The following SLC5A10 variants were observed in gnomAD, a reference collection of about 807,000 sequenced individuals.
SLC5A10 encodes the protein sodium/mannose cotransporter SLC5A10.
SLC5A10 carries 55 observed loss-of-function variants against 68.9 expected under a neutral mutation model. The observed-to-expected ratio is 0.80, with a 90% CI of 0.64 to 1.00. The LOEUF (loss-of-function observed/expected upper bound fraction) is 1.00. Among genes scored for constraint, SLC5A10 ranks in the 50% least tolerant of loss-of-function variants. The pLI is 0.00. For missense variants in SLC5A10, 732 were observed against 819.3 expected (o/e 0.89, Z 1.30); for synonymous variants, 344 against 344.8 (o/e 1.00, Z 0.02).
Position 18,991,525 on chromosome 17 carries a change from T to A in SLC5A10, c.982+14536T>A, listed in dbSNP as rs1261088616. ...TGTGGAAATGAGAGGGGAGGCTGAC[T>A]CCAAAGACCAGCTCTACCTGCTGTT... is the stretch of plus-strand genomic sequence containing the variant. On this transcript the variant is annotated intron_variant, in intron 9 of 14. Transcript: ENST00000395645. Among the ~76,000 whole-genome samples the A allele has an allele frequency of 2.6e-5, 4 of 152,080 alleles. No individual in the cohort carries two copies. The East Asian group carries it at 7.7e-4, about 29-fold the overall frequency.
At chr17:18,953,381 C>T (rs2042415277) in intron 1 of SLC5A10, among the ~76,000 whole-genome samples, 1 of 152,114 alleles carries the variant, frequency 6.6e-6, no homozygotes, top group African/African-American at 2.4e-5. Flanking sequence ...ATTTGCCCGC[C>T]TCGGCCTCCC....
chr17:18,988,408 C>T, intron 9 of SLC5A10: 1 of 1,613,994 alleles, frequency 6.2e-7, no homozygotes, highest in Non-Finnish European at 8.5e-7. Flanking sequence ...ATGACCACAG[C>T]TATCACCTGG....
At chr17:18,978,958 G>A in intron 9 of SLC5A10, 2 of 1,262,396 alleles carry the variant, frequency 1.6e-6, no homozygotes, top group African/African-American at 1.5e-5. Context: ...CAGGGCCCTG[G>A]GATCAAGAAG....
At position 18,971,309 on chromosome 17, in the gene SLC5A10, G is replaced by C. The variant is rs967294047; in HGVS notation, c.846+91G>C. The stretch of plus-strand genomic sequence containing the variant: ...GCGGCCTGTCTGCCCTCCGCGTCAT[G>C]AGTCTGGGCTGGGGCCTCAGAAGGT... On this transcript the variant is annotated intron_variant, in intron 8 of 14. Coordinates refer to ENST00000395645, the MANE Select transcript of SLC5A10 (RefSeq NM_001042450.4). This position sits in a 1 kb window ranked among gnomAD's most constrained non-coding sequence, Gnocchi z 5.5. 6.2e-7 allele frequency: 1 copy of C among 1,607,398 alleles called. No individual in the cohort carries two copies. The highest frequency in any genetic ancestry group is 1.7e-5 in the Admixed American group (1 of 59,844).
At chr17:19,008,556 G>A (rs1480312258) in intron 9 of SLC5A10, among the ~76,000 whole-genome samples, 3 of 149,706 alleles carry the variant, frequency 2.0e-5, no homozygotes, top group Non-Finnish European at 4.4e-5. Context: ...CTGGCGTGCA[G>A]TGTCACGATC....
At position 19,015,218 on chromosome 17, in the gene SLC5A10, G is replaced by A. The variant is rs115994627; in HGVS notation, c.1241+19G>A. The A allele has an allele frequency of 3.8e-3, 2,064 of 543,404 alleles. 29 individuals are homozygous for A. Among genetic ancestry groups the A allele is most frequent in the African/African-American group, 0.034 (1,890 of 56,138 alleles). 33.7% of individuals were successfully genotyped at this position (543,404 alleles called of 1,614,324 possible). ...TGGGACGGTACGGGGGTGGGGGCCA[G>A]TACGGGGGTGGGGGAACACTACAAG... On this transcript the variant is annotated intron_variant, in intron 11 of 14. Transcript: ENST00000395645.
rs539207840 is a variant in SLC5A10 at position 19,017,155 on chromosome 17, C to T, written c.1241+1956C>T. The stretch of plus-strand genomic sequence containing the variant: ...CCTCCCTGAGGAGCAAGGCACAAGG[C>T]TGCGTGGTGCAGGGCAGGTTGCTCA... On this transcript the variant is annotated intron_variant, in intron 11 of 14. Coordinates refer to ENST00000395645, the MANE Select transcript of SLC5A10 (RefSeq NM_001042450.4). The surrounding 1 kb of genome is among the most constrained non-coding windows in gnomAD (Gnocchi z 5.6). 32 of 772,660 alleles carry T rather than the reference C, an allele frequency of 4.1e-5. No homozygotes were observed. Among genetic ancestry groups the T allele is most frequent in the South Asian group, 5.2e-5 (3 of 58,004 alleles). 47.9% of individuals were successfully genotyped at this position (772,660 alleles called of 1,614,324 possible).
chr17:19,006,251 AG>A (rs2043886552), intron 9 of SLC5A10, among the ~76,000 whole-genome samples: 1 of 152,178 alleles, frequency 6.6e-6, no homozygotes, highest in Non-Finnish European at 1.5e-5. Flanking sequence ...GTTTTGGGAC[AG>A]GGTCTTGCTC....
intron 9 of SLC5A10, chr17:18,986,296 A>C (rs1294802441): frequency 6.6e-6 from 1 of 152,242 alleles, no homozygotes; most frequent in Non-Finnish European, 1.5e-5. Flanking sequence ...AAAAAGGATA[A>C]GAGAAATTAA....
In SLC5A10 at chr17:18,969,394, G is replaced by C. The variant is rs1359174829; in HGVS notation, c.612G>C (p.Val204=). 1 of 1,613,842 alleles carries C rather than the reference G, an allele frequency of 6.2e-7. No individual in the cohort carries two copies. The change falls in exon 7 of 15, where the codon GTG becomes GTC. Residue 204 remains valine (V), a synonymous_variant. Coordinates refer to ENST00000395645, the MANE Select transcript of SLC5A10 (RefSeq NM_001042450.4). ...ACGCCCTGCAGACGCTCATCATGGT[G>C]GTGGGGGCTGTCATCCTGACAATCA... is the stretch of plus-strand genomic sequence containing the variant. The part of the protein sequence containing the change: ...YTDALQTLIM[V]VGAVILTIKA...
intron 4 of SLC5A10, 138 bp from the exon 5 acceptor site, chr17:18,960,410 C>G: frequency 1.3e-6 from 1 of 748,274 alleles, no homozygotes; most frequent in Non-Finnish European, 2.3e-6. Context: ...TGTAAGGGGT[C>G]AGTGCCTGGG....
Position 18,952,999 on chromosome 17 carries a change from A to G in SLC5A10, c.111+683A>G, listed in dbSNP as rs987902585. On this transcript the variant is annotated intron_variant, in intron 1 of 14. Coordinates refer to ENST00000395645, the MANE Select transcript of SLC5A10 (RefSeq NM_001042450.4). ...GGCCTTCCTGAGGGAAGGTGGACAC[A>G]GCCTGGTTCAGGTCACCTGCTCCAC... Among the ~76,000 whole-genome samples the G allele has an allele frequency of 2.6e-5, 4 of 152,076 alleles. No individual in the cohort carries two copies. The South Asian group carries it at 8.3e-4, about 32-fold the overall frequency.
chr17:19,007,764 T>C (rs2152147058), intron 9 of SLC5A10, among the ~76,000 whole-genome samples: 1 of 152,362 alleles, frequency 6.6e-6, no homozygotes, highest in South Asian at 2.1e-4. Flanking sequence ...GTTTTAAATG[T>C]TGATGAGGTC....
intron 1 of SLC5A10, among the ~76,000 whole-genome samples, chr17:18,955,806 G>A (rs2042486593): frequency 6.6e-6 from 1 of 152,320 alleles, no homozygotes; most frequent in East Asian, 1.9e-4. Context: ...GTGTCCACGT[G>A]GTTCCTGCTA....
rs1483058027 is a variant in SLC5A10 at position 19,003,217 on chromosome 17, A to ACT, written c.983-10191_983-10190dup. ...AAGCCCTGGGGTTCCTCCCCTCCCC[A>ACT]CTCCACCCTATCTCGGTGCCTTCTT... On this transcript the variant is annotated intron_variant, in intron 9 of 14. Coordinates refer to ENST00000395645, the MANE Select transcript of SLC5A10 (RefSeq NM_001042450.4). This position sits in a 1 kb window ranked among gnomAD's most constrained non-coding sequence, Gnocchi z 4.5. 4.2e-5 allele frequency among the ~76,000 whole-genome samples: 6 copies of ACT among 142,844 alleles called. No homozygotes were observed. Among genetic ancestry groups the ACT allele is most frequent in the Admixed American group, 1.4e-4 (2 of 14,182 alleles). The allele number at this position is 142,844 out of a possible 152,430, so 93.7% of individuals were successfully genotyped here.
At position 19,021,497 on chromosome 17, in the gene SLC5A10, C is replaced by A; in HGVS notation, c.*1066C>A. On this transcript the variant is annotated 3_prime_UTR_variant, in exon 15 of 15. Coordinates refer to ENST00000395645, the MANE Select transcript of SLC5A10 (RefSeq NM_001042450.4). This position sits in a 1 kb window ranked among gnomAD's most constrained non-coding sequence, Gnocchi z 4.1. ...TCTGTCCTTCGAGGCTGAGCCACCT[C>A]CCAACAGCCTGAACAACTCCAGGGG... is the stretch of plus-strand genomic sequence containing the variant. The A allele has an allele frequency of 3.9e-6, 1 of 254,204 alleles. No individual in the cohort carries two copies. The highest frequency in any genetic ancestry group is 1.8e-4 in the South Asian group (1 of 5,696). 15.7% of individuals were successfully genotyped at this position (254,204 alleles called of 1,614,324 possible).
At position 18,958,684 on chromosome 17, in the gene SLC5A10, C is replaced by T. The variant is rs1369008661; in HGVS notation, c.114C>T (p.Ser38=). Residue 38 remains serine (S), a splice_region_variant and synonymous_variant, in exon 2 of 15, where the codon TCC becomes TCT. Transcript: ENST00000395645. ...CTGTCCCTTTTCTCCTCTTGCAGTC[C>T]TCTTGTCGGGCCAGTAGGAACACGG... ...FALNVAVGIW[S]SCRASRNTVN... 2.5e-6 allele frequency: 4 copies of T among 1,614,036 alleles called. No individual in the cohort carries two copies. The highest frequency in any genetic ancestry group is 1.7e-6 in the Non-Finnish European group (2 of 1,180,020).
chr17:18,995,563 A>C (rs563855015), intron 9 of SLC5A10, among the ~76,000 whole-genome samples: 1 of 152,364 alleles, frequency 6.6e-6, no homozygotes, highest in African/African-American at 2.4e-5. Context: ...AGACTAAAAA[A>C]ATAAATAAAT....
intron 9 of SLC5A10, chr17:18,979,570 C>G: frequency 6.2e-7 from 1 of 1,613,446 alleles, no homozygotes; most frequent in Non-Finnish European, 8.5e-7. Context: ...GCACACAGCC[C>G]GGTCTCCATC....
Sources: allele counts gnomAD v4.1 joint callset (sites outside exome capture counted in the v4.1 genomes callset), GRCh38; gene constraint gnomAD v4.1.1; non-coding constraint Gnocchi (gnomAD v3.1); transcripts MANE v1.5; gene names NCBI Gene and HGNC (gene_info 2026-07-23, HGNC 2026-07-21).